CYP2C8: variants seen among roughly 807,000 people sequenced by gnomAD.
The protein encoded by CYP2C8 is cytochrome P450 family 2 subfamily C member 8, also known as cytochrome P450 2C8.
A neutral mutation model predicts 41.3 loss-of-function variants in CYP2C8; 51 were observed. The observed-to-expected ratio is 1.24, with a 90% CI of 0.99 to 1.56. The LOEUF is 1.56. CYP2C8 is among the 40% of genes most tolerant of loss of function. The pLI is 0.00. For missense variants in CYP2C8, 651 were observed against 579.9 expected (o/e 1.12, Z -1.26); for synonymous variants, 218 against 205.8 (o/e 1.06, Z -0.51).
Position 95,061,891 on chromosome 10 carries a change from T to G in CYP2C8, c.642+2909A>C, listed in dbSNP as rs189332576. 2.4e-3 allele frequency among the ~76,000 whole-genome samples: 362 copies of G among 152,364 alleles called. 1 individual carries two copies. The Middle Eastern group carries it at 0.024, about 10-fold the overall frequency. On this transcript the variant is annotated intron_variant, in intron 4 of 8. Coordinates refer to ENST00000371270, the MANE Select transcript of CYP2C8 (RefSeq NM_000770.3). The stretch of plus-strand genomic sequence containing the variant: ...CATCTTTATTTCTGCCTTCATTTCT[T>G]TAGGTACCCAGTAGTCATTCAGGAG...
At chr10:95,063,654 C>T (rs772960431) in intron 4 of CYP2C8, among the ~76,000 whole-genome samples, 7 of 152,232 alleles carry the variant, frequency 4.6e-5, no homozygotes, top group African/African-American at 9.6e-5. Context: ...AAGTCATTCC[C>T]CATCCAGCTT....
At chr10:95,054,530 T>G (rs1039641987) in intron 5 of CYP2C8, among the ~76,000 whole-genome samples, 1 of 152,136 alleles carries the variant, frequency 6.6e-6, no homozygotes, top group Non-Finnish European at 1.5e-5. Flanking sequence ...ACTACTGCTA[T>G]TCAGCATAGC....
chr10:95,043,864 GCACA>G (rs58419621), intron 6 of CYP2C8, among the ~76,000 whole-genome samples: 13 of 139,264 alleles, frequency 9.3e-5, no homozygotes, highest in Middle Eastern at 3.5e-3. Flanking sequence ...ACTCACAGAA[GCACA>G]CACACACACA....
chr10:95,066,361 A>G (rs2033567761), intron 3 of CYP2C8, among the ~76,000 whole-genome samples: 1 of 152,168 alleles, frequency 6.6e-6, no homozygotes, highest in South Asian at 2.1e-4. Flanking sequence ...TTTCAAAGCT[A>G]AGAACCAATA....
At chr10:95,050,469 A>C (rs2033193558) in intron 5 of CYP2C8, among the ~76,000 whole-genome samples, 1 of 152,194 alleles carries the variant, frequency 6.6e-6, no homozygotes, top group African/African-American at 2.4e-5. Flanking sequence ...GGCAAGACCC[A>C]GTGCTCTGCT....
At chr10:95,046,266 G>A (rs1167352702) in intron 5 of CYP2C8, among the ~76,000 whole-genome samples, 4 of 152,164 alleles carry the variant, frequency 2.6e-5, no homozygotes, top group African/African-American at 9.7e-5. Context: ...TTATAAAACA[G>A]AATACTATAG....
At chr10:95,045,703 G>T in intron 6 of CYP2C8, 107 bp downstream of exon 6, 1 of 1,381,544 alleles carries the variant, frequency 7.2e-7, no homozygotes. Flanking sequence ...TGATGACACA[G>T]AAATTTAAAG....
chr10:95,041,508 G>A (rs1002106119), intron 7 of CYP2C8, among the ~76,000 whole-genome samples: 36 of 152,188 alleles, frequency 2.4e-4, no homozygotes, highest in Admixed American at 2.2e-3. Context: ...AAGGCCGGGC[G>A]CGGTGGCTCA....
intron 4 of CYP2C8, among the ~76,000 whole-genome samples, chr10:95,060,818 A>G (rs2033412369): frequency 6.6e-6 from 1 of 152,202 alleles, no homozygotes; most frequent in Non-Finnish European, 1.5e-5. Flanking sequence ...GATACGTCCC[A>G]TCAATACCTA....
chr10:95,042,804 T>C (rs772685066), intron 7 of CYP2C8, 86 bp downstream of exon 7: 4 of 1,120,990 alleles, frequency 3.6e-6, no homozygotes, highest in Non-Finnish European at 1.4e-6. Context: ...ACTTCTCTCA[T>C]CTTGTGTTGT....
intron 8 of CYP2C8, 87 bp downstream of exon 8, chr10:95,038,810 C>T: frequency 8.0e-7 from 1 of 1,256,764 alleles, no homozygotes; most frequent in Admixed American, 1.7e-5. Context: ...ATTCTACCAG[C>T]CCCAGAGGAG....
In CYP2C8 at chr10:95,036,923, C is replaced by T; in HGVS notation, c.*205G>A. Reference sequence around the variant, plus strand: ...GTATTAGCATATGCAGCAATTAATACAAGTGTTACAGAGTATGAATAATTG... The same window carrying T: ...GTATTAGCATATGCAGCAATTAATATAAGTGTTACAGAGTATGAATAATTG... On this transcript the variant is annotated 3_prime_UTR_variant, in exon 9 of 9. Coordinates refer to ENST00000371270, the MANE Select transcript of CYP2C8 (RefSeq NM_000770.3). 1.6e-6 allele frequency: 1 copy of T among 611,832 alleles called. No homozygotes were observed. The highest frequency in any genetic ancestry group is 3.0e-6 in the Non-Finnish European group (1 of 338,326). The allele number at this position is 611,832 out of a possible 1,614,324, so 37.9% of individuals were successfully genotyped here.
chr10:95,055,863 G>A (rs978227699), intron 5 of CYP2C8, among the ~76,000 whole-genome samples: 2 of 152,114 alleles, frequency 1.3e-5, no homozygotes, highest in Non-Finnish European at 2.9e-5. Flanking sequence ...GGCCAACATG[G>A]GTGGACTGCT....
intron 5 of CYP2C8, among the ~76,000 whole-genome samples, chr10:95,055,556 T>C (rs553353530): frequency 2.0e-5 from 3 of 152,252 alleles, no homozygotes; most frequent in Non-Finnish European, 4.4e-5. Context: ...ATTAATGCCT[T>C]CAGAATTGGA....
Position 95,037,444 on chromosome 10 carries a change from G to A in CYP2C8, c.1292-135C>T, listed in dbSNP as rs2032908384. The A allele has an allele frequency of 5.5e-6, 4 of 732,318 alleles. No homozygotes were observed. In the East Asian group the frequency reaches 1.1e-4, roughly 20 times the overall value. 45.4% of individuals were successfully genotyped at this position (732,318 alleles called of 1,614,324 possible). A position where few individuals can be genotyped will look rare whatever the true frequency, so the allele number is the denominator to read the frequency against. ...TGATTGGGTAGATGAATGAACATGT[G>A]GATGAATGGATGGATGACATGATGG... On this transcript the variant is annotated intron_variant, in intron 8 of 8. Transcript: ENST00000371270.
Position 95,064,839 on chromosome 10 carries a change from G to C in CYP2C8, c.603C>G (p.Phe201Leu). Residue 201 changes from phenylalanine to leucine, a missense_variant, in exon 4 of 9, where the codon TTC (phenylalanine) becomes TTG (leucine). Physicochemically the swap from Phe to Leu is conservative, Grantham distance 22 (BLOSUM62 0). Transcript: ENST00000371270. ...AGTTCAGAATCCTGAAGTTTTCATT[G>C]AATCTTTTCATCAGGGTGAGAAAAT... ...DQNFLTLMKR[F>L]NENFRILNSP... 1 of 1,613,918 alleles carries C rather than the reference G, an allele frequency of 6.2e-7. No individual in the cohort carries two copies. The highest frequency in any genetic ancestry group is 8.5e-7 in the Non-Finnish European group (1 of 1,179,934).
chr10:95,037,440 A>G, intron 8 of CYP2C8, 131 bp from the exon 9 acceptor site: 1 of 748,318 alleles, frequency 1.3e-6, no homozygotes, highest in Non-Finnish European at 2.3e-6. Flanking sequence ...ATGAATGAAC[A>G]TGTGGATGAA....
chr10:95,055,682 T>A (rs1042532564), intron 5 of CYP2C8, among the ~76,000 whole-genome samples: 5 of 152,208 alleles, frequency 3.3e-5, no homozygotes, highest in African/African-American at 1.2e-4. Flanking sequence ...AATGACAACC[T>A]GTAGAATGGG....
chr10:95,040,427 G>C (rs748362396), intron 7 of CYP2C8, among the ~76,000 whole-genome samples: 1 of 152,244 alleles, frequency 6.6e-6, no homozygotes, highest in Non-Finnish European at 1.5e-5. Context: ...AACCTTATCA[G>C]TCTCATTGTT....
Sources: gnomAD v4.1 joint callset for allele counts (sites outside exome capture counted in the v4.1 genomes callset) on GRCh38, gnomAD v4.1.1 for gene constraint, MANE v1.5 for transcripts, NCBI Gene and HGNC (gene_info 2026-07-23, HGNC 2026-07-21) for gene names.